The following NHERF2 variants were observed in gnomAD, a reference collection of about 807,000 sequenced individuals.
NHERF2 encodes NHERF family PDZ scaffold protein 2.
chr16:2,037,403 G>C, the NHERF2 span: 2 of 848,200 alleles, frequency 2.4e-6, no homozygotes, highest in Non-Finnish European at 1.9e-6. Flanking sequence ...GCCGCATCTG[G>C]AGTCCACCAG....
At chr16:2,027,058 A>T in the NHERF2 span, 1 of 1,411,638 alleles carries the variant, frequency 7.1e-7, no homozygotes, top group Admixed American at 2.6e-5. Flanking sequence ...GTGCGCGGAG[A>T]GCAGGGCTAC....
the NHERF2 span, chr16:2,036,606 G>A: frequency 6.6e-7 from 1 of 1,524,706 alleles, no homozygotes; most frequent in Non-Finnish European, 8.8e-7. Flanking sequence ...AACCTGAGCT[G>A]GTGCGCCTCC....
the NHERF2 span, chr16:2,037,858 G>T: frequency 6.2e-7 from 1 of 1,600,026 alleles, no homozygotes; most frequent in East Asian, 2.3e-5. Context: ...ATCCCTTCCA[G>T]GAGAGCGGCC....
At chr16:2,030,194 G>A in the NHERF2 span, among the ~76,000 whole-genome samples, 1 of 152,228 alleles carries the variant, frequency 6.6e-6, no homozygotes, top group African/African-American at 2.4e-5. Flanking sequence ...TGTTGAAGGC[G>A]CCTGCATGCT....
chr16:2,036,699 G>A, the NHERF2 span: 1 of 1,606,834 alleles, frequency 6.2e-7, no homozygotes, highest in Non-Finnish European at 8.5e-7. Flanking sequence ...TGGGCCCATG[G>A]CGGGGCTGAT....
At chr16:2,029,621 C>G in the NHERF2 span, 4 of 1,579,652 alleles carry the variant, frequency 2.5e-6, no homozygotes, top group Non-Finnish European at 3.4e-6. Flanking sequence ...GCAGACTCGG[C>G]TGCTGGTGGT....
chr16:2,037,450 C>T, the NHERF2 span: 1 of 1,232,744 alleles, frequency 8.1e-7, no homozygotes, highest in Non-Finnish European at 1.2e-6. Flanking sequence ...GGAGCACACA[C>T]TGGGGGGGGG....
chr16:2,036,146 T>C, the NHERF2 span: 1 of 602,134 alleles, frequency 1.7e-6, no homozygotes, highest in South Asian at 2.5e-5. Context: ...TTGCCCAAGT[T>C]CCCACAGCTA....
the NHERF2 span, chr16:2,036,704 G>A: frequency 9.3e-6 from 15 of 1,608,806 alleles, no homozygotes; most frequent in African/African-American, 2.0e-4. Flanking sequence ...CCATGGCGGG[G>A]CTGATACATG....
At chr16:2,034,989 C>T in the NHERF2 span, among the ~76,000 whole-genome samples, 5 of 152,106 alleles carry the variant, frequency 3.3e-5, no homozygotes, top group East Asian at 1.9e-4. Flanking sequence ...GGGGGTCTTG[C>T]ACCCTCTAAT....
the NHERF2 span, chr16:2,036,402 C>T: frequency 5.0e-6 from 8 of 1,609,940 alleles, no homozygotes; most frequent in Middle Eastern, 1.6e-4. Context: ...TGGGTTCAAC[C>T]TGCATAGTGA....
the NHERF2 span, chr16:2,029,587 G>A: frequency 3.2e-6 from 5 of 1,572,168 alleles, no homozygotes; most frequent in African/African-American, 2.7e-5. Flanking sequence ...CCCAGGTGGT[G>A]CAAAGGATCA....
chr16:2,029,557 C>A, the NHERF2 span: 1 of 1,551,956 alleles, frequency 6.4e-7, no homozygotes, highest in Non-Finnish European at 8.7e-7. Flanking sequence ...GCCACTGACC[C>A]GCTCCTATCG....
chr16:2,027,554 G>GGT, the NHERF2 span, among the ~76,000 whole-genome samples: 2 of 152,260 alleles, frequency 1.3e-5, no homozygotes, highest in Non-Finnish European at 2.9e-5. Flanking sequence ...CTTTTGCCTG[G>GGT]GTGTGTGTGT....
At chr16:2,035,119 G>A in the NHERF2 span, among the ~76,000 whole-genome samples, 1 of 152,174 alleles carries the variant, frequency 6.6e-6, no homozygotes, top group Non-Finnish European at 1.5e-5. Context: ...GGGTGGGCAG[G>A]AGGCTTCAGA....
chr16:2,037,084 T>C, the NHERF2 span: 3 of 1,468,460 alleles, frequency 2.0e-6, no homozygotes, highest in South Asian at 3.6e-5. Flanking sequence ...TGGAGATCCG[T>C]CCTCGAGGTG....
the NHERF2 span, chr16:2,027,216 C>T: frequency 1.5e-6 from 2 of 1,347,972 alleles, no homozygotes; most frequent in African/African-American, 1.5e-5. Context: ...GACGCACCAC[C>T]AGGTGGGGGC....
the NHERF2 span, among the ~76,000 whole-genome samples, chr16:2,028,530 C>G: frequency 2.6e-5 from 4 of 152,294 alleles, no homozygotes; most frequent in Admixed American, 2.0e-4. Context: ...AGTTACTGCC[C>G]CATTTGACAG....
At chr16:2,033,795 A>C in the NHERF2 span, among the ~76,000 whole-genome samples, 1 of 151,990 alleles carries the variant, frequency 6.6e-6, no homozygotes, top group South Asian at 2.1e-4. Flanking sequence ...ACGCCGCCCG[A>C]GCTCCTCGGC....
Sources: gnomAD v4.1 joint callset for allele counts (sites outside exome capture counted in the v4.1 genomes callset) on GRCh38, gnomAD v4.1.1 for gene constraint, MANE v1.5 for transcripts, NCBI Gene and HGNC (gene_info 2026-07-23, HGNC 2026-07-21) for gene names.